DAPK1: variants seen among roughly 807,000 people sequenced by gnomAD.
The protein encoded by DAPK1 is death associated protein kinase 1.
A neutral mutation model predicts 144.9 loss-of-function variants in DAPK1; 56 were observed. The observed-to-expected ratio is 0.39, with a 90% CI of 0.31 to 0.48. DAPK1 has a LOEUF of 0.48. Ranked by LOEUF, DAPK1 falls within the 20% of genes least tolerant of loss-of-function variation. DAPK1 has a pLI of 0.95. For missense variants in DAPK1, 1,454 were observed against 1,875.4 expected (o/e 0.78, Z 4.15); for synonymous variants, 690 against 749.0 (o/e 0.92, Z 1.29).
chr9:87,530,845 C>G (rs534722308), intron 2 of DAPK1, among the ~76,000 whole-genome samples: 2 of 152,220 alleles, frequency 1.3e-5, no homozygotes, highest in East Asian at 3.9e-4. Flanking sequence ...GAAGGTCATC[C>G]TCACTGGAAC....
intron 3 of DAPK1, among the ~76,000 whole-genome samples, chr9:87,634,384 A>G (rs977736651): frequency 6.6e-6 from 1 of 152,084 alleles, no homozygotes; most frequent in African/African-American, 2.4e-5. Context: ...CTTGTTCTCC[A>G]AGGACATCTC....
At chr9:87,518,328 A>G (rs995182720) in intron 2 of DAPK1, among the ~76,000 whole-genome samples, 7 of 136,422 alleles carry the variant, frequency 5.1e-5, no homozygotes, top group African/African-American at 5.6e-5. Context: ...GAGTTTCGCC[A>G]TGTTGGCCAG....
At chr9:87,541,379 C>G (rs1199151014) in intron 2 of DAPK1, among the ~76,000 whole-genome samples, 1 of 152,050 alleles carries the variant, frequency 6.6e-6, no homozygotes, top group Non-Finnish European at 1.5e-5. Flanking sequence ...GAAACCCTGT[C>G]TCTACTGAAA....
At position 87,698,328 on chromosome 9, in the gene DAPK1, G is replaced by A. The variant is rs2274603; in HGVS notation, c.2612-328G>A. ...GGCGTCTCTCTTTGGTCTTGTAAGC[G>A]GCATCCCTTTTGTCACAGGTTAAAT... On this transcript the variant is annotated intron_variant, in intron 22 of 25. Transcript: ENST00000408954. 0.011 allele frequency: 2,412 copies of A among 222,940 alleles called. 123 individuals carry two copies. In the East Asian group the frequency reaches 0.13, roughly 12 times the overall value. 13.8% of individuals were successfully genotyped at this position (222,940 alleles called of 1,614,324 possible).
intron 18 of DAPK1, among the ~76,000 whole-genome samples, chr9:87,664,721 G>A (rs535480887): frequency 5.3e-5 from 8 of 152,286 alleles, no homozygotes; most frequent in Non-Finnish European, 8.8e-5. Flanking sequence ...CCACAGCCTG[G>A]TCCCCACGCA....
chr9:87,667,861 C>T (rs1288634586), intron 18 of DAPK1: 1 of 152,168 alleles, frequency 6.6e-6, no homozygotes, highest in Non-Finnish European at 1.5e-5. Context: ...TTCTGCCTCT[C>T]AGGGGTGACT....
chr9:87,544,756 G>A (rs137959162), intron 2 of DAPK1, among the ~76,000 whole-genome samples: 26 of 152,128 alleles, frequency 1.7e-4, no homozygotes, highest in Non-Finnish European at 3.4e-4. Flanking sequence ...GCTGGAAAAC[G>A]ATCATTTTAA....
At chr9:87,561,162 G>T (rs1826901605) in intron 2 of DAPK1, among the ~76,000 whole-genome samples, 1 of 152,130 alleles carries the variant, frequency 6.6e-6, no homozygotes, top group Non-Finnish European at 1.5e-5. Flanking sequence ...GGAGCCGTTT[G>T]TGCTTATTTC....
At chr9:87,568,639 CCT>C (rs1827221771) in intron 2 of DAPK1, among the ~76,000 whole-genome samples, 1 of 152,180 alleles carries the variant, frequency 6.6e-6, no homozygotes, top group Non-Finnish European at 1.5e-5. Flanking sequence ...CCTCCTCCGT[CCT>C]CTCTGCACAA....
chr9:87,536,544 A>G lies in DAPK1; in HGVS notation c.62+37405A>G, dbSNP rs184343887. ...TTGTAAAAATCTTATGGGGAATAAT[A>G]ATTTTAACTTAACCAATAAATAACA... On this transcript the variant is annotated intron_variant, in intron 2 of 25. Coordinates refer to ENST00000408954, the MANE Select transcript of DAPK1 (RefSeq NM_004938.4). Among the ~76,000 whole-genome samples the G allele has an allele frequency of 1.4e-3, 211 of 152,290 alleles. 5 individuals carry two copies. The East Asian group carries it at 0.031, about 22-fold the overall frequency.
intron 3 of DAPK1, among the ~76,000 whole-genome samples, chr9:87,615,226 C>G (rs1025283858): frequency 1.2e-4 from 19 of 152,200 alleles, no homozygotes; most frequent in African/African-American, 4.6e-4. Flanking sequence ...CCAAGTATTA[C>G]CTCACCTTCT....
intron 2 of DAPK1, among the ~76,000 whole-genome samples, chr9:87,508,585 G>A (rs992387902): frequency 2.0e-5 from 3 of 151,892 alleles, no homozygotes; most frequent in Non-Finnish European, 1.5e-5. Flanking sequence ...CTCGTGATCC[G>A]CCCACCTCGG....
chr9:87,605,038 T>C lies in DAPK1; in HGVS notation c.147T>C (p.Thr49=), dbSNP rs200192051. ...CCAAATTCATCAAGAAAAGGAGGAC[T>C]AAGTCCAGCCGGCGGGGTGTGAGCC... The part of the protein sequence containing the change: ...YAAKFIKKRR[T]KSSRRGVSRE... Residue 49 remains threonine (T), a synonymous_variant, in exon 3 of 26, where the codon ACT becomes ACC. Coordinates refer to ENST00000408954, the MANE Select transcript of DAPK1 (RefSeq NM_004938.4). The C allele has an allele frequency of 6.2e-7, 1 of 1,614,188 alleles. No homozygotes were observed. Among genetic ancestry groups the C allele is most frequent in the East Asian group, 2.2e-5 (1 of 44,878 alleles).
rs148040871 is a variant in DAPK1, at chr9:87,518,099, GTTGTTGTTT to G, written c.62+18963_62+18971del. 2.6e-3 allele frequency among the ~76,000 whole-genome samples: 323 copies of G among 126,020 alleles called. 11 individuals are homozygous for G. Among genetic ancestry groups the G allele is most frequent in the Admixed American group, 4.3e-3 (53 of 12,394 alleles). The allele number at this position is 126,020 out of a possible 152,430, so 82.7% of individuals were successfully genotyped here. A position where few individuals can be genotyped will look rare whatever the true frequency, so the allele number is the denominator to read the frequency against. ...TTGCCCTGGAATATTTGCCGTTTAT[GTTGTTGTTT>G]TTTTTTTTTTTTTTTTTTTCTGAGA... is the stretch of plus-strand genomic sequence containing the variant. On this transcript the variant is annotated intron_variant, in intron 2 of 25. Coordinates refer to ENST00000408954, the MANE Select transcript of DAPK1 (RefSeq NM_004938.4).
At chr9:87,611,116 G>A (rs570728595) in intron 3 of DAPK1, among the ~76,000 whole-genome samples, 1 of 152,228 alleles carries the variant, frequency 6.6e-6, no homozygotes, top group East Asian at 1.9e-4. Flanking sequence ...GCCTCAAAGG[G>A]TTAGTGATTC....
At chr9:87,500,704 T>A (rs1259209327) in intron 2 of DAPK1, among the ~76,000 whole-genome samples, 2 of 152,126 alleles carry the variant, frequency 1.3e-5, no homozygotes, top group Non-Finnish European at 2.9e-5. Context: ...GAGTTTTTGA[T>A]CTTTATTTCG....
In DAPK1 at chr9:87,681,738, G is replaced by T. The variant is rs898888867; in HGVS notation, c.2224+112G>T. ...GTGTTTGGGTCACTTGGCCTATACT[G>T]GACCCTGTGGCCTTAGTGGTTTTCA... On this transcript the variant is annotated intron_variant, in intron 20 of 25. Coordinates refer to ENST00000408954, the MANE Select transcript of DAPK1 (RefSeq NM_004938.4). The T allele has an allele frequency of 6.2e-5, 44 of 707,820 alleles. No individual in the cohort carries two copies. The African/African-American group carries it at 7.3e-4, about 12-fold the overall frequency. 43.8% of individuals were successfully genotyped at this position (707,820 alleles called of 1,614,324 possible).
chr9:87,669,624 T>C (rs1389889460), intron 19 of DAPK1, among the ~76,000 whole-genome samples: 2 of 152,172 alleles, frequency 1.3e-5, no homozygotes, highest in African/African-American at 4.8e-5. Context: ...GAGAAGATAA[T>C]GTCCAAAATA....
chr9:87,632,072 G>A (rs950495918), intron 3 of DAPK1: 4 of 763,330 alleles, frequency 5.2e-6, no homozygotes, highest in Non-Finnish European at 4.8e-6. Flanking sequence ...AAGGATGAAA[G>A]TTAATTAGTA....
Sources: gnomAD v4.1 joint callset for allele counts (sites outside exome capture counted in the v4.1 genomes callset) on GRCh38, gnomAD v4.1.1 for gene constraint, MANE v1.5 for transcripts, NCBI Gene and HGNC (gene_info 2026-07-23, HGNC 2026-07-21) for gene names.